The following NDUFA9 variants were observed in gnomAD, a reference collection of about 807,000 sequenced individuals.
The protein encoded by NDUFA9 is NADH dehydrogenase [ubiquinone] 1 alpha subcomplex subunit 9, mitochondrial.
Under a neutral mutation model 45.9 loss-of-function variants are expected in NDUFA9, and 23 were observed. That is an observed-to-expected ratio of 0.50 (90% CI 0.36 to 0.71). The LOEUF (loss-of-function observed/expected upper bound fraction) is 0.71, where lower values mean the gene tolerates loss of function less well. Ranked by LOEUF, NDUFA9 falls within the 30% of genes least tolerant of loss-of-function variation. The pLI is 0.00. For synonymous variants in NDUFA9, 176 were observed against 170.5 expected (o/e 1.03, Z -0.25); for missense variants, 466 against 488.2 (o/e 0.95, Z 0.43).
At chr12:4,655,131 G>A (rs1052504368) in intron 3 of NDUFA9, 1 of 509,494 alleles carries the variant, frequency 2.0e-6, no homozygotes, top group Admixed American at 3.7e-5. Flanking sequence ...TTCTTTGAAG[G>A]GACAGAGAGT....
At chr12:4,651,250 TATA>T (rs1433101423) in intron 1 of NDUFA9, among the ~76,000 whole-genome samples, 1 of 152,152 alleles carries the variant, frequency 6.6e-6, no homozygotes, top group African/African-American at 2.4e-5. Flanking sequence ...AGCAGAGAAA[TATA>T]ATGAATATAT....
Position 4,687,148 on chromosome 12 carries a change from C to A in NDUFA9, c.*40C>A. 2 of 1,604,076 alleles carry A rather than the reference C, an allele frequency of 1.2e-6. No homozygotes were observed. Among genetic ancestry groups the A allele is most frequent in the South Asian group, 2.2e-5 (2 of 89,282 alleles). Reference sequence around the variant, plus strand: ...CTCTTGGTTTTGGCGTCTTTTGGGTCGGCCCATGTGGTTTGAGCACCCAGC... The same window carrying A: ...CTCTTGGTTTTGGCGTCTTTTGGGTAGGCCCATGTGGTTTGAGCACCCAGC... On this transcript the variant is annotated 3_prime_UTR_variant, in exon 11 of 11. Coordinates refer to ENST00000266544, the MANE Select transcript of NDUFA9 (RefSeq NM_005002.5).
In NDUFA9 at chr12:4,693,608, C is replaced by T. The variant is rs1946028767; in HGVS notation, c.*6500C>T. The T allele has an allele frequency of 6.6e-6, 1 of 152,200 alleles. No homozygotes were observed. Among genetic ancestry groups the T allele is most frequent in the East Asian group, 1.9e-4 (1 of 5,192 alleles). 9.4% of individuals were successfully genotyped at this position (152,200 alleles called of 1,614,324 possible). On this transcript the variant is annotated 3_prime_UTR_variant, in exon 11 of 11. Coordinates refer to ENST00000266544, the MANE Select transcript of NDUFA9 (RefSeq NM_005002.5). ...GTGTTTAAAGCTGAATCTGGTTCTA[C>T]TTTCAGGAGAGTGATGGTTTGAGAT...
chr12:4,665,751 T>G (rs533341853), intron 6 of NDUFA9, among the ~76,000 whole-genome samples: 17 of 151,038 alleles, frequency 1.1e-4, no homozygotes, highest in African/African-American at 3.4e-4. Context: ...TTTCTGTTTT[T>G]TTTTTTTTTT....
chr12:4,689,412 A>G lies in NDUFA9; in HGVS notation c.*2304A>G, dbSNP rs1946006554. The G allele has an allele frequency of 1.3e-5, 2 of 152,438 alleles. No individual in the cohort carries two copies. The highest frequency in any genetic ancestry group is 2.4e-5 in the African/African-American group (1 of 41,354). The allele number at this position is 152,438 out of a possible 1,614,324, so 9.4% of individuals were successfully genotyped here. On this transcript the variant is annotated 3_prime_UTR_variant, in exon 11 of 11. Transcript: ENST00000266544. ...AGGTCAGCAGATAAACAAGTGAACA[A>G]AGGTCTCTGGTTTTCCTAGGCAGAG... is the stretch of plus-strand genomic sequence containing the variant.
At chr12:4,683,720 G>A (rs769591153) in intron 9 of NDUFA9, among the ~76,000 whole-genome samples, 12 of 152,304 alleles carry the variant, frequency 7.9e-5, no homozygotes, top group Non-Finnish European at 1.6e-4. Flanking sequence ...AAGTGATCAG[G>A]CATTTAAGTG....
intron 8 of NDUFA9, among the ~76,000 whole-genome samples, chr12:4,672,775 C>G (rs546714022): frequency 6.6e-6 from 1 of 152,222 alleles, no homozygotes; most frequent in South Asian, 2.1e-4. Context: ...GACAGAGCAT[C>G]TGGGGGAAGG....
At chr12:4,682,393 AG>A (rs1384526832) in intron 9 of NDUFA9, 93 bp downstream of exon 9, 8 of 774,640 alleles carry the variant, frequency 1.0e-5, no homozygotes, top group African/African-American at 1.7e-5. Context: ...GGGTGTGTGA[AG>A]GGCTGGTCTC....
intron 8 of NDUFA9, among the ~76,000 whole-genome samples, chr12:4,681,923 G>A (rs1945955245): frequency 6.6e-6 from 1 of 152,086 alleles, no homozygotes; most frequent in Non-Finnish European, 1.5e-5. Flanking sequence ...GTGGAAAGAC[G>A]ATTATGATGT....
rs962479958 is a variant in NDUFA9 at position 4,693,874 on chromosome 12, A to T, written c.*6766A>T. The T allele has an allele frequency of 5.9e-5, 9 of 152,216 alleles. No individual in the cohort carries two copies. The highest frequency in any genetic ancestry group is 1.7e-4 in the African/African-American group (7 of 41,428). The allele number at this position is 152,216 out of a possible 1,614,324, so 9.4% of individuals were successfully genotyped here. On this transcript the variant is annotated 3_prime_UTR_variant, in exon 11 of 11. Coordinates refer to ENST00000266544, the MANE Select transcript of NDUFA9 (RefSeq NM_005002.5). ...ATCTAGTTTCCCCTCGACATTTTAT[A>T]ACTGAATAAACAATAAAAAACAAGA...
chr12:4,677,849 T>TA (rs1290173797), intron 8 of NDUFA9, among the ~76,000 whole-genome samples: 1 of 152,238 alleles, frequency 6.6e-6, no homozygotes, highest in Non-Finnish European at 1.5e-5. Context: ...GTATGTTTAT[T>TA]ACGGCACTGT....
intron 3 of NDUFA9, chr12:4,655,688 A>G (rs1031610378): frequency 3.9e-5 from 6 of 152,214 alleles, no homozygotes; most frequent in African/African-American, 1.4e-4. Flanking sequence ...TTTAACTTAG[A>G]ACAGTCCTTT....
intron 7 of NDUFA9, 24 bp downstream of exon 7, chr12:4,668,548 C>T (rs1213019009): frequency 6.3e-7 from 1 of 1,578,226 alleles, no homozygotes; most frequent in Non-Finnish European, 8.7e-7. Flanking sequence ...TGAAGGGGGT[C>T]AGAAAGGGAT....
At chr12:4,671,568 A>G (rs934856375) in intron 8 of NDUFA9, among the ~76,000 whole-genome samples, 5 of 152,304 alleles carry the variant, frequency 3.3e-5, no homozygotes, top group African/African-American at 9.6e-5. Flanking sequence ...CGAAATTCCA[A>G]CAGACTTTTT....
At chr12:4,654,050 T>A (rs941991018) in intron 1 of NDUFA9, among the ~76,000 whole-genome samples, 5 of 152,224 alleles carry the variant, frequency 3.3e-5, no homozygotes, top group Non-Finnish European at 7.3e-5. Context: ...ATATGTTTTT[T>A]AAAAAATGTG....
chr12:4,651,530 G>A (rs2137460099), intron 1 of NDUFA9, among the ~76,000 whole-genome samples: 1 of 152,198 alleles, frequency 6.6e-6, no homozygotes, highest in East Asian at 1.9e-4. Flanking sequence ...ATAGCCATGT[G>A]AGGTTAGTGT....
At chr12:4,668,223 A>G (rs554042139) in intron 6 of NDUFA9, among the ~76,000 whole-genome samples, 1 of 152,362 alleles carries the variant, frequency 6.6e-6, no homozygotes, top group East Asian at 1.9e-4. Context: ...TTGTCTAGAC[A>G]TTTGACCTCT....
intron 4 of NDUFA9, 72 bp from the exon 5 acceptor site, chr12:4,658,964 A>T: frequency 7.0e-7 from 1 of 1,431,620 alleles, no homozygotes; most frequent in Admixed American, 1.9e-5. Flanking sequence ...TATGAAAACC[A>T]TCTTATCACG....
chr12:4,677,746 G>A (rs777638225), intron 8 of NDUFA9, among the ~76,000 whole-genome samples: 4 of 152,164 alleles, frequency 2.6e-5, no homozygotes, highest in East Asian at 1.9e-4. Context: ...CAAGGATCTC[G>A]AAGTAGAAAT....
Sources: gnomAD v4.1 joint callset for allele counts (sites outside exome capture counted in the v4.1 genomes callset) on GRCh38, gnomAD v4.1.1 for gene constraint, MANE v1.5 for transcripts, NCBI Gene and HGNC (gene_info 2026-07-23, HGNC 2026-07-21) for gene names.